The following ABR variants were observed in gnomAD, a reference collection of about 807,000 sequenced individuals.
The protein encoded by ABR is active breakpoint cluster region-related protein.
In ABR, 35 loss-of-function variants were observed where a neutral mutation model predicts 107.2. That is an observed-to-expected ratio of 0.33 (90% CI 0.25 to 0.43). The LOEUF (loss-of-function observed/expected upper bound fraction) is 0.43. Among genes scored for constraint, ABR ranks in the 20% least tolerant of loss-of-function variants. The pLI is 1.00. For missense variants in ABR, 815 were observed against 1,115.2 expected (o/e 0.73, Z 3.83); for synonymous variants, 498 against 462.0 (o/e 1.08, Z -1.00).
At chr17:1,045,842 G>T (rs1342146228) in intron 16 of ABR, among the ~76,000 whole-genome samples, 1 of 152,124 alleles carries the variant, frequency 6.6e-6, no homozygotes, top group African/African-American at 2.4e-5. Flanking sequence ...CCTCACAGAC[G>T]CATGCTAAGT....
In ABR at chr17:1,009,766, G is replaced by A. The variant is rs2070376532; in HGVS notation, c.2255C>T (p.Ala752Val). The A allele has an allele frequency of 6.2e-7, 1 of 1,613,924 alleles. No individual in the cohort carries two copies. Among genetic ancestry groups the A allele is most frequent in the Admixed American group, 1.7e-5 (1 of 60,016 alleles). ...MEGIALSDPAAKENCMMHLLR... is the reference protein window; with the variant it reads ...MEGIALSDPAVKENCMMHLLR... ...CAGGTGCATCATGCAGTTTTCCTTG[G>A]CAGCAGGGTCTGACAGGGCTGTGGG... The change falls in exon 21 of 23, where the codon GCC (alanine) becomes GTC (valine). Residue 752 changes from alanine (A) to valine (V), a missense_variant. Coordinates refer to ENST00000302538, the MANE Select transcript of ABR (RefSeq NM_021962.5).
chr17:1,056,651 G>A (rs1009507207), intron 13 of ABR, among the ~76,000 whole-genome samples: 1 of 152,104 alleles, frequency 6.6e-6, no homozygotes, highest in Non-Finnish European at 1.5e-5. Flanking sequence ...GGGATTCAAG[G>A]CCTTTCAAGA....
chr17:1,096,918 G>T (rs1455301444), intron 3 of ABR, among the ~76,000 whole-genome samples: 1 of 145,232 alleles, frequency 6.9e-6, no homozygotes, highest in Non-Finnish European at 1.5e-5. Flanking sequence ...CCTGCCCCGG[G>T]AGAGAGCTGG....
chr17:1,140,993 C>T lies in ABR; in HGVS notation c.62-15626G>A, dbSNP rs184208794. Among the ~76,000 whole-genome samples the T allele has an allele frequency of 1.4e-3, 210 of 152,064 alleles. 3 individuals carry two copies. The highest frequency in any genetic ancestry group is 5.8e-4 in the East Asian group (3 of 5,150). ...TCTCAAAGAAACAAGATGAGGATAA[C>T]GATACCATGTCACAGGGTGGTTGTG... On this transcript the variant is annotated intron_variant, in intron 1 of 22. Transcript: ENST00000302538.
rs573813530 is a variant in ABR, at chr17:1,148,696, C to G, written c.62-23329G>C. On this transcript the variant is annotated intron_variant, in intron 1 of 22. Coordinates refer to ENST00000302538, the MANE Select transcript of ABR (RefSeq NM_021962.5). This position sits in a 1 kb window ranked among gnomAD's most constrained non-coding sequence, Gnocchi z 4.9. ...AAGCGCTCCCCACCCTTCCCCGGTC[C>G]GTGGAAAAAGTGTCTTCCACGAAGC... 2.2e-4 allele frequency among the ~76,000 whole-genome samples: 34 copies of G among 152,260 alleles called. No homozygotes were observed. Among genetic ancestry groups the G allele is most frequent in the Non-Finnish European group, 3.7e-4 (25 of 68,016 alleles).
intron 16 of ABR, among the ~76,000 whole-genome samples, chr17:1,044,496 T>C (rs1044564902): frequency 1.3e-5 from 2 of 151,770 alleles, no homozygotes; most frequent in Non-Finnish European, 2.9e-5. Context: ...CTACTACTAA[T>C]AAAAATCAGC....
chr17:1,181,424 AT>A (rs1166264442), upstream of ABR, among the ~76,000 whole-genome samples: 1 of 151,994 alleles, frequency 6.6e-6, no homozygotes, highest in Admixed American at 6.5e-5. Context: ...GGTTTTCAAT[AT>A]TATTAGCCCG....
At chr17:1,172,456 C>G (rs1451235584) in intron 1 of ABR, among the ~76,000 whole-genome samples, 1 of 152,170 alleles carries the variant, frequency 6.6e-6, no homozygotes, top group Non-Finnish European at 1.5e-5. Context: ...CTAAGAAATG[C>G]AAGCTACTCC....
In ABR at chr17:1,208,781, G is replaced by A. The variant is rs1216355567; in HGVS notation, c.838+20012C>T. ...CGGGCGCCTGTAGTCCCAGCTACTCGGGAGGCTGAGGCAGGAGAATGGCAT... is the reference window on the plus strand; with the variant it reads ...CGGGCGCCTGTAGTCCCAGCTACTCAGGAGGCTGAGGCAGGAGAATGGCAT... On this transcript the variant is annotated intron_variant, in intron 1 of 22. Coordinates refer to the ABR transcript ENST00000574139. Among the ~76,000 whole-genome samples the A allele has an allele frequency of 3.3e-5, 5 of 152,052 alleles. No individual in the cohort carries two copies. The East Asian group carries it at 5.8e-4, about 18-fold the overall frequency.
At chr17:1,086,741 T>C (rs2036616310) in intron 4 of ABR, among the ~76,000 whole-genome samples, 1 of 152,100 alleles carries the variant, frequency 6.6e-6, no homozygotes, top group Admixed American at 6.6e-5. Context: ...CCTCAGGTGA[T>C]CCACCCGCCT....
intron 5 of ABR, chr17:1,083,123 CAAA>C (rs71148427): frequency 3.2e-3 from 209 of 65,582 alleles, no homozygotes; most frequent in Middle Eastern, 0.016. Context: ...GACTCTGTCT[CAAA>C]AAAAAAAAAA....
At chr17:1,220,495 G>A (rs561516140) in intron 1 of ABR, among the ~76,000 whole-genome samples, 5 of 152,100 alleles carry the variant, frequency 3.3e-5, no homozygotes, top group Non-Finnish European at 5.9e-5. Flanking sequence ...AGACTCACGT[G>A]GTGTAAATAC....
rs925080377 is a variant in ABR at position 1,129,236 on chromosome 17, G to T, written c.62-3869C>A. ...AGGACAAATACCTAATGCACGAGGG[G>T]CTTAAAACCTAGATGACAGGGCCAG... On this transcript the variant is annotated intron_variant, in intron 1 of 22. Coordinates refer to ENST00000302538, the MANE Select transcript of ABR (RefSeq NM_021962.5). 5.3e-5 allele frequency among the ~76,000 whole-genome samples: 8 copies of T among 152,296 alleles called. No homozygotes were observed. In the East Asian group the frequency reaches 1.5e-3, roughly 29 times the overall value.
intron 1 of ABR, among the ~76,000 whole-genome samples, chr17:1,134,678 C>T (rs909786471): frequency 4.3e-4 from 66 of 152,154 alleles, no homozygotes; most frequent in African/African-American, 1.4e-3. Context: ...CCCGGCAAGG[C>T]GGACCGGAGG....
rs2042678982 is a variant in ABR, at chr17:1,201,901, TCTC to T, written c.838+26889_838+26891del. ...ACCGTGTTAGCCAGGATGCTCTCGATCTCCTGACCTCGTGATCCGCCCGCGTCG... is the reference window on the plus strand; with the variant it reads ...ACCGTGTTAGCCAGGATGCTCTCGATCTGACCTCGTGATCCGCCCGCGTCG... On this transcript the variant is annotated intron_variant, in intron 1 of 22. Coordinates refer to the ABR transcript ENST00000574139. Among the ~76,000 whole-genome samples, 7 of 152,262 alleles carry T rather than the reference TCTC, an allele frequency of 4.6e-5. No homozygotes were observed. In the South Asian group the frequency reaches 1.5e-3, roughly 32 times the overall value.
At chr17:1,101,924 G>A (rs557464660) in intron 2 of ABR, among the ~76,000 whole-genome samples, 12 of 152,018 alleles carry the variant, frequency 7.9e-5, no homozygotes, top group African/African-American at 1.7e-4. Flanking sequence ...TAGTAGAGCC[G>A]GGATTTCACC....
intron 10 of ABR, among the ~76,000 whole-genome samples, chr17:1,061,545 G>A (rs189310194): frequency 9.5e-4 from 92 of 96,374 alleles, no homozygotes; most frequent in African/African-American, 3.6e-3. Context: ...TGTTTACTAA[G>A]TGCCTTTTTT....
intron 10 of ABR, among the ~76,000 whole-genome samples, chr17:1,063,260 C>T (rs9906969): frequency 0.36 from 6,913 of 19,462 alleles, 908 homozygotes; most frequent in East Asian, 0.43. Flanking sequence ...CTAGACACTG[C>T]TGTTACGTGA....
chr17:1,005,918 G>A lies in ABR; in HGVS notation c.*162C>T. 1.4e-6 allele frequency: 1 copy of A among 693,662 alleles called. No homozygotes were observed. The highest frequency in any genetic ancestry group is 2.5e-6 in the Non-Finnish European group (1 of 399,470). 43.0% of individuals were successfully genotyped at this position (693,662 alleles called of 1,614,324 possible). On this transcript the variant is annotated 3_prime_UTR_variant, in exon 23 of 23. Transcript: ENST00000302538. ...GGGCTGGGCAGCCGGCTTTGTACAA[G>A]GTGGCACAAAAGACGTACGCATTCC...
Sources: gnomAD v4.1 joint callset for allele counts (sites outside exome capture counted in the v4.1 genomes callset) on GRCh38, gnomAD v4.1.1 for gene constraint, Gnocchi (gnomAD v3.1) non-coding constraint, MANE v1.5 for transcripts, NCBI Gene and HGNC (gene_info 2026-07-23, HGNC 2026-07-21) for gene names.